The following CRYBG3 variants were observed in gnomAD, a reference collection of about 807,000 sequenced individuals.
CRYBG3 encodes the protein very large A-kinase anchor protein.
A neutral mutation model predicts 244.2 loss-of-function variants in CRYBG3; 127 were observed. The observed-to-expected ratio is 0.52, with a 90% CI of 0.45 to 0.60. The LOEUF (loss-of-function observed/expected upper bound fraction) is 0.60, where lower values mean the gene tolerates loss of function less well. Among genes scored for constraint, CRYBG3 ranks in the 20% least tolerant of loss-of-function variants. The pLI is 0.00. For synonymous variants in CRYBG3, 1,132 were observed against 1,195.8 expected (o/e 0.95, Z 1.10); for missense variants, 3,325 against 3,442.5 (o/e 0.97, Z 0.85).
chr3:97,905,214 G>A (rs1442846727), intron 15 of CRYBG3, among the ~76,000 whole-genome samples: 2 of 151,962 alleles, frequency 1.3e-5, no homozygotes, highest in African/African-American at 4.8e-5. Context: ...ACGTGTGCAT[G>A]TGTCTTTATA....
At chr3:97,847,983 A>T (rs74642618) in intron 2 of CRYBG3, among the ~76,000 whole-genome samples, 4 of 152,202 alleles carry the variant, frequency 2.6e-5, no homozygotes, top group Non-Finnish European at 5.9e-5. Flanking sequence ...AATAATTGAC[A>T]TGTAGAAATG....
rs2108215529 is a variant in CRYBG3 at position 97,873,957 on chromosome 3, G to A, written c.2763G>A (p.Lys921=). The change falls in exon 4 of 22, where the codon AAG becomes AAA. Residue 921 remains lysine (K), a synonymous_variant. Coordinates refer to ENST00000389622, the MANE Select transcript of CRYBG3 (RefSeq NM_153605.4). ...CTGCTGCCTCCAAATATGAAGATAA[G>A]CCAGAACCAGAGGTAGATGCCTTAG... ...LSPAASKYED[K]PEPEVDALGS... is the part of the protein sequence containing the mutation. 1 of 1,535,248 alleles carries A rather than the reference G, an allele frequency of 6.5e-7. No individual in the cohort carries two copies. Among genetic ancestry groups the A allele is most frequent in the Non-Finnish European group, 8.7e-7 (1 of 1,146,704 alleles).
intron 21 of CRYBG3, chr3:97,942,658 T>A: frequency 2.3e-6 from 1 of 428,176 alleles, no homozygotes; most frequent in Non-Finnish European, 4.1e-6. Flanking sequence ...ATTAGTACAG[T>A]TGTAAAACTT....
At chr3:97,932,815 A>C (rs1164993395) in intron 17 of CRYBG3, among the ~76,000 whole-genome samples, 1 of 152,010 alleles carries the variant, frequency 6.6e-6, no homozygotes, top group East Asian at 1.9e-4. Flanking sequence ...CTTGCTTTGC[A>C]CAGAATGTTT....
At chr3:97,882,418 G>A (rs1268563094) in intron 7 of CRYBG3, among the ~76,000 whole-genome samples, 2 of 151,972 alleles carry the variant, frequency 1.3e-5, no homozygotes, top group East Asian at 1.9e-4. Context: ...GGGAGGATTG[G>A]AATAGGAAGG....
At chr3:97,891,370 T>C (rs967534333) in intron 10 of CRYBG3, among the ~76,000 whole-genome samples, 1 of 152,198 alleles carries the variant, frequency 6.6e-6, no homozygotes, top group Non-Finnish European at 1.5e-5. Context: ...GAGAAACTTC[T>C]TATTAAATAA....
chr3:97,842,457 AG>A (rs2038834259), intron 1 of CRYBG3, among the ~76,000 whole-genome samples: 2 of 152,044 alleles, frequency 1.3e-5, no homozygotes, highest in African/African-American at 4.8e-5. Flanking sequence ...GATACTTAGG[AG>A]GGTGAGCCAG....
intron 2 of CRYBG3, among the ~76,000 whole-genome samples, chr3:97,850,473 T>C (rs1199930511): frequency 6.6e-6 from 1 of 152,162 alleles, no homozygotes; most frequent in Non-Finnish European, 1.5e-5. Context: ...AAGGTAAAAT[T>C]TTAGCTTTTA....
chr3:97,916,760 T>C (rs1249273812), intron 17 of CRYBG3, among the ~76,000 whole-genome samples: 1 of 152,126 alleles, frequency 6.6e-6, no homozygotes, highest in Non-Finnish European at 1.5e-5. Context: ...ATCAGACTAA[T>C]TATAGAGTCT....
rs141128518 is a variant in CRYBG3, at chr3:97,878,182, A to T, written c.6843+145A>T. The T allele has an allele frequency of 4.5e-4, 300 of 670,938 alleles. 2 individuals carry two copies. The African/African-American group carries it at 5.0e-3, about 11-fold the overall frequency. 41.6% of individuals were successfully genotyped at this position (670,938 alleles called of 1,614,324 possible). On this transcript the variant is annotated intron_variant, in intron 4 of 21. Coordinates refer to ENST00000389622, the MANE Select transcript of CRYBG3 (RefSeq NM_153605.4). ...TCCTGGCACTTTGGGAGGCCGAGGC[A>T]GGTGGATCACGAGGTCAGGAGTTCA...
Position 97,872,783 on chromosome 3 carries a change from A to G in CRYBG3, c.1589A>G (p.Glu530Gly). Residue 530 changes from glutamate (E) to glycine (G), a missense_variant, in exon 4 of 22, where the codon GAA becomes GGA. This residue lies in a region of CRYBG3 where 1,526 missense variants were observed against 1,443.2 expected (regional missense o/e 1.06). Transcript: ENST00000389622. The part of the protein sequence containing the change: ...KNVAVREIRR[E>G]TESASAGESI... ...GTGGCTGTTAGAGAAATCAGGCGAGAAACAGAAAGTGCCTCAGCTGGTGAA... is the reference window on the plus strand; with the variant it reads ...GTGGCTGTTAGAGAAATCAGGCGAGGAACAGAAAGTGCCTCAGCTGGTGAA... The G allele has an allele frequency of 6.5e-7, 1 of 1,535,938 alleles. No homozygotes were observed. The highest frequency in any genetic ancestry group is 8.7e-7 in the Non-Finnish European group (1 of 1,146,750).
intron 10 of CRYBG3, among the ~76,000 whole-genome samples, chr3:97,891,272 T>C (rs879466630): frequency 3.3e-5 from 5 of 152,176 alleles, no homozygotes; most frequent in African/African-American, 7.2e-5. Flanking sequence ...AATCAGTTAG[T>C]TATAAGGCAG....
intron 6 of CRYBG3, 127 bp from the exon 7 acceptor site, chr3:97,880,942 TAGG>T: frequency 3.4e-6 from 2 of 585,782 alleles, no homozygotes; most frequent in Non-Finnish European, 5.6e-6. Flanking sequence ...TTTCAAAAAA[TAGG>T]GTTATATGCT....
At chr3:97,831,780 G>A (rs1231894122) in intron 1 of CRYBG3, among the ~76,000 whole-genome samples, 1 of 152,000 alleles carries the variant, frequency 6.6e-6, no homozygotes, top group Non-Finnish European at 1.5e-5. Flanking sequence ...ACAAAGAAAC[G>A]ATAAAAGTTT....
intron 3 of CRYBG3, among the ~76,000 whole-genome samples, chr3:97,867,779 A>G (rs2039252535): frequency 6.6e-6 from 1 of 152,234 alleles, no homozygotes; most frequent in South Asian, 2.1e-4. Flanking sequence ...GAAAATTCAA[A>G]TGATATAGAA....
rs1194631781 is a variant in CRYBG3 at position 97,875,013 on chromosome 3, CAA to C, written c.3821_3822del (p.Lys1274ArgfsTer11). The C allele has an allele frequency of 2.6e-6, 4 of 1,535,692 alleles. No homozygotes were observed. The highest frequency in any genetic ancestry group is 3.5e-6 in the Non-Finnish European group (4 of 1,146,820). On this transcript the variant is annotated frameshift_variant, in exon 4 of 22. Coordinates refer to ENST00000389622, the MANE Select transcript of CRYBG3 (RefSeq NM_153605.4). LOFTEE classifies it high-confidence loss of function. ...AAGGCATGGAAAACATGTCAGAAGT[CAA>C]AGAGAAGCCCTGTGTTTCACCAACA... The part of the protein sequence containing the change: ...EQGMENMSEV[K>X]EKPCVSPTVG...
chr3:97,937,263 A>G (rs2040175046), intron 19 of CRYBG3, among the ~76,000 whole-genome samples: 1 of 152,104 alleles, frequency 6.6e-6, no homozygotes, highest in Non-Finnish European at 1.5e-5. Context: ...TATAATACTC[A>G]GGATGGATCC....
At chr3:97,834,720 T>A (rs755518187) in intron 1 of CRYBG3, among the ~76,000 whole-genome samples, 6 of 152,248 alleles carry the variant, frequency 3.9e-5, no homozygotes, top group African/African-American at 1.4e-4. Context: ...AAATAAAAAA[T>A]TTTTGGCAAT....
chr3:97,872,092 C>A lies in CRYBG3; in HGVS notation c.898C>A (p.Pro300Thr), dbSNP rs1181036913. 1 of 1,535,712 alleles carries A rather than the reference C, an allele frequency of 6.5e-7. No individual in the cohort carries two copies. Among genetic ancestry groups the A allele is most frequent in the Non-Finnish European group, 8.7e-7 (1 of 1,146,764 alleles). The change falls in exon 4 of 22, where the codon CCA (proline) becomes ACA (threonine). Residue 300 changes from proline to threonine, a missense_variant. Physicochemically the swap from Pro to Thr is conservative, Grantham distance 38. Coordinates refer to ENST00000389622, the MANE Select transcript of CRYBG3 (RefSeq NM_153605.4). ...SSMKGNLLEG[P>T]LEDSDCSKTS... is the part of the protein sequence containing the mutation. ...TATGAAAGGAAATCTACTTGAAGGC[C>A]CATTAGAAGACTCTGATTGTAGCAA...
Sources: gnomAD v4.1 joint callset for allele counts (sites outside exome capture counted in the v4.1 genomes callset) on GRCh38, gnomAD v4.1.1 for gene constraint, gnomAD v4.1.1 regional missense constraint, MANE v1.5 for transcripts, NCBI Gene and HGNC (gene_info 2026-07-23, HGNC 2026-07-21) for gene names.